Variants in DYM observed in about 807,000 individuals in gnomAD.
The protein encoded by DYM is dymeclin.
A neutral mutation model predicts 93.1 loss-of-function variants in DYM; 78 were observed. The ratio of observed to expected loss-of-function variants is 0.84; its 90% CI spans 0.70 to 1.01. The LOEUF (loss-of-function observed/expected upper bound fraction) is 1.01, where lower values mean the gene tolerates loss of function less well. Ranked by LOEUF, DYM falls within the 50% of genes least tolerant of loss-of-function variation. DYM has a pLI of 0.00. For synonymous variants in DYM, 321 were observed against 319.7 expected (o/e 1.00, Z -0.04); for missense variants, 789 against 845.0 (o/e 0.93, Z 0.82).
At chr18:49,091,118 A>C (rs536036818) in intron 17 of DYM, among the ~76,000 whole-genome samples, 2 of 152,292 alleles carry the variant, frequency 1.3e-5, no homozygotes, top group East Asian at 3.9e-4. Context: ...TATGGTCAAC[A>C]GGCCCATTGT....
chr18:49,092,163 A>G (rs1403782997), intron 17 of DYM, among the ~76,000 whole-genome samples: 6 of 152,240 alleles, frequency 3.9e-5, no homozygotes, highest in African/African-American at 1.4e-4. Flanking sequence ...GAAAACCACT[A>G]ATTACTTTAC....
chr18:49,363,128 G>T, intron 6 of DYM, 33 bp downstream of exon 6: 2 of 1,569,612 alleles, frequency 1.3e-6, no homozygotes, highest in African/African-American at 1.3e-5. Flanking sequence ...ATACAAAGAA[G>T]ATAAAACAAA....
At chr18:49,228,970 T>C (rs1397074104) in intron 13 of DYM, among the ~76,000 whole-genome samples, 1 of 152,182 alleles carries the variant, frequency 6.6e-6, no homozygotes, top group Non-Finnish European at 1.5e-5. Flanking sequence ...CCTTTATCTC[T>C]ATTTTGTACA....
intron 17 of DYM, among the ~76,000 whole-genome samples, chr18:49,076,661 G>C (rs1477051666): frequency 2.0e-5 from 3 of 152,164 alleles, no homozygotes; most frequent in African/African-American, 7.2e-5. Context: ...TTCTCCGTGG[G>C]AACACCATAG....
At chr18:49,127,024 T>C (rs1310896001) in intron 15 of DYM, among the ~76,000 whole-genome samples, 1 of 152,218 alleles carries the variant, frequency 6.6e-6, no homozygotes, top group African/African-American at 2.4e-5. Context: ...TTCCTCAGTA[T>C]TGTGTCAAAA....
rs947692919 is a variant in DYM at position 49,172,168 on chromosome 18, T to C, written c.1626-8381A>G. Among the ~76,000 whole-genome samples, 5 of 152,226 alleles carry C rather than the reference T, an allele frequency of 3.3e-5. No individual in the cohort carries two copies. The South Asian group carries it at 6.2e-4, about 19-fold the overall frequency. On this transcript the variant is annotated intron_variant, in intron 14 of 17. Coordinates refer to ENST00000675505, the MANE Select transcript of DYM (RefSeq NM_001353214.3). ...GTCTGCCATCTATCACTCAGCATAA[T>C]GCTTTTCAAATGCATCCATGCTGTT...
chr18:49,192,757 G>C (rs1017780698), intron 14 of DYM, among the ~76,000 whole-genome samples: 2 of 151,200 alleles, frequency 1.3e-5, no homozygotes, highest in Non-Finnish European at 3.0e-5. Context: ...TGGCTACTTG[G>C]GTTTCTCTGT....
At chr18:49,223,382 A>G (rs1047265119) in intron 13 of DYM, among the ~76,000 whole-genome samples, 12 of 152,214 alleles carry the variant, frequency 7.9e-5, no homozygotes, top group African/African-American at 2.9e-4. Context: ...ATGCACACAA[A>G]TGGGCATGGC....
At chr18:49,159,001 C>G (rs1338762777) in intron 15 of DYM, among the ~76,000 whole-genome samples, 1 of 151,742 alleles carries the variant, frequency 6.6e-6, no homozygotes, top group East Asian at 1.9e-4. Context: ...CTCATGTACC[C>G]TATAAATATA....
chr18:49,209,045 G>A (rs1011985352), intron 14 of DYM, among the ~76,000 whole-genome samples: 1 of 152,172 alleles, frequency 6.6e-6, no homozygotes, highest in African/African-American at 2.4e-5. Flanking sequence ...TAGCCACTCT[G>A]TATGTAAATA....
chr18:49,197,368 G>A (rs1180761582), intron 14 of DYM, among the ~76,000 whole-genome samples: 3 of 151,908 alleles, frequency 2.0e-5, no homozygotes, highest in Non-Finnish European at 4.4e-5. Context: ...AAAAGGGGGG[G>A]AAGAAAGCCA....
chr18:49,289,404 T>TAAAAAAAA (rs56240607), intron 8 of DYM, among the ~76,000 whole-genome samples: 5 of 33,522 alleles, frequency 1.5e-4, no homozygotes, highest in Non-Finnish European at 3.1e-4. Context: ...TACAAATCAG[T>TAAAAAAAA]AAAAAAAAAA....
intron 16 of DYM, among the ~76,000 whole-genome samples, chr18:49,106,630 G>A (rs1191014417): frequency 6.6e-6 from 1 of 152,146 alleles, no homozygotes; most frequent in Non-Finnish European, 1.5e-5. Context: ...GCATTTGCTT[G>A]TCTGTAAAGG....
At chr18:49,334,054 G>A (rs1042184328) in intron 6 of DYM, among the ~76,000 whole-genome samples, 4 of 152,180 alleles carry the variant, frequency 2.6e-5, no homozygotes, top group East Asian at 1.9e-4. Flanking sequence ...GTGTATTTGG[G>A]TTAGTTATCC....
chr18:49,220,866 C>T (rs1427633179), intron 13 of DYM, among the ~76,000 whole-genome samples: 5 of 152,166 alleles, frequency 3.3e-5, no homozygotes, highest in Admixed American at 3.3e-4. Flanking sequence ...ATGTCTAAAA[C>T]ACCAAAAGCA....
chr18:49,351,186 C>G (rs772311022), intron 6 of DYM, among the ~76,000 whole-genome samples: 4 of 152,044 alleles, frequency 2.6e-5, no homozygotes, highest in African/African-American at 9.7e-5. Context: ...CTTTGGGAGG[C>G]TGAAGAGGGC....
intron 14 of DYM, among the ~76,000 whole-genome samples, chr18:49,196,243 T>C (rs2091439800): frequency 6.6e-6 from 1 of 152,156 alleles, no homozygotes; most frequent in Non-Finnish European, 1.5e-5. Context: ...GAATGCTACT[T>C]TTAAGACACA....
intron 16 of DYM, among the ~76,000 whole-genome samples, chr18:49,113,481 C>T (rs143167227): frequency 1.8e-3 from 271 of 152,306 alleles, no homozygotes; most frequent in African/African-American, 5.8e-3. Context: ...CTTCTGCAGA[C>T]GTTAAAAGTG....
chr18:49,340,424 T>C (rs1435389899), intron 6 of DYM, among the ~76,000 whole-genome samples: 1 of 152,196 alleles, frequency 6.6e-6, no homozygotes, highest in Non-Finnish European at 1.5e-5. Context: ...ATTTTGTACC[T>C]GAACATACAT....
Sources: gnomAD v4.1 joint callset for allele counts (sites outside exome capture counted in the v4.1 genomes callset) on GRCh38, gnomAD v4.1.1 for gene constraint, MANE v1.5 for transcripts, NCBI Gene and HGNC (gene_info 2026-07-23, HGNC 2026-07-21) for gene names.